Variants in PPP1R12B observed in about 807,000 individuals in gnomAD.
The protein encoded by PPP1R12B is protein phosphatase 1 regulatory subunit 12B.
In PPP1R12B, 76 loss-of-function variants were observed where a neutral mutation model predicts 126.1. That is an observed-to-expected ratio of 0.60 (90% CI 0.50 to 0.73). PPP1R12B has a LOEUF of 0.73. Ranked by LOEUF, PPP1R12B falls within the 30% of genes least tolerant of loss-of-function variation. The pLI is 0.00. For synonymous variants in PPP1R12B, 356 were observed against 434.7 expected, an observed-to-expected ratio of 0.82 and a Z score of 2.25; for missense variants, 1,052 against 1,205.1, an observed-to-expected ratio of 0.87 and a Z score of 1.88.
intron 1 of PPP1R12B, among the ~76,000 whole-genome samples, chr1:202,394,982 G>A (rs566915628): frequency 2.5e-4 from 38 of 151,814 alleles, no homozygotes; most frequent in African/African-American, 9.2e-4. Flanking sequence ...GCTGGATGTG[G>A]TAGTGGGCGC....
chr1:202,389,926 C>CAA (rs35190931), intron 1 of PPP1R12B, among the ~76,000 whole-genome samples: 8 of 95,826 alleles, frequency 8.3e-5, no homozygotes, highest in Non-Finnish European at 1.3e-4. Context: ...GACTCTGTCT[C>CAA]AAAAAAAAAA....
chr1:202,446,191 GTTA>G (rs1672215477), intron 12 of PPP1R12B, among the ~76,000 whole-genome samples: 1 of 135,318 alleles, frequency 7.4e-6, no homozygotes, highest in Non-Finnish European at 1.6e-5. Flanking sequence ...ACATAGAGAG[GTTA>G]TTATTACTAT....
At position 202,348,973 on chromosome 1, in the gene PPP1R12B, C is replaced by T. The variant is rs1365307334; in HGVS notation, c.122C>T (p.Ala41Val). 16 of 1,601,642 alleles carry T rather than the reference C, an allele frequency of 1.0e-5. No individual in the cohort carries two copies. The highest frequency in any genetic ancestry group is 1.4e-5 in the Non-Finnish European group (16 of 1,175,468). ...TEQEPAERRGAGRQPLTRRGS... is the reference protein window; with the variant it reads ...TEQEPAERRGVGRQPLTRRGS... ...CAGGAGCCTGCGGAGCGACGAGGCG[C>T]GGGGCGGCAGCCGCTGACCAGGCGC... The change falls in exon 1 of 24, where the codon GCG becomes GTG. Residue 41 changes from alanine (A) to valine (V), a missense_variant. Physicochemically the swap from Ala to Val is moderately conservative, Grantham distance 64. Transcript: ENST00000608999.
chr1:202,365,184 T>G (rs1658986334), intron 1 of PPP1R12B, among the ~76,000 whole-genome samples: 1 of 152,186 alleles, frequency 6.6e-6, no homozygotes. Flanking sequence ...CTTTAGTGGC[T>G]CATGCTTGTA....
intron 13 of PPP1R12B, among the ~76,000 whole-genome samples, chr1:202,475,439 C>T (rs1330071542): frequency 6.6e-6 from 1 of 152,246 alleles, no homozygotes; most frequent in East Asian, 1.9e-4. Flanking sequence ...AAGTTTAATG[C>T]AGGACATTGT....
chr1:202,495,365 A>G lies in PPP1R12B; in HGVS notation c.2218A>G (p.Arg740Gly), dbSNP rs1160687875. Residue 740 changes from arginine to glycine, a missense_variant, in exon 16 of 24, where the codon AGA (arginine) becomes GGA (glycine). Coordinates refer to ENST00000608999, the MANE Select transcript of PPP1R12B (RefSeq NM_002481.4). Reference protein sequence around the residue: ...PTTPASPSTSRPSLYTSSHLL... With the variant: ...PTTPASPSTSGPSLYTSSHLL... ...CACGCCAGCATCTCCTTCTACGTCA[A>G]GACCCTCACTCTACACCAGTTCCCA... 1 of 1,608,504 alleles carries G rather than the reference A, an allele frequency of 6.2e-7. No homozygotes were observed. Among genetic ancestry groups the G allele is most frequent in the African/African-American group, 1.3e-5 (1 of 74,530 alleles).
rs993797705 is a variant in PPP1R12B at position 202,411,583 on chromosome 1, G to A, written c.292-5204G>A. On this transcript the variant is annotated intron_variant, in intron 1 of 23. Coordinates refer to ENST00000608999, the MANE Select transcript of PPP1R12B (RefSeq NM_002481.4). Reference sequence around the variant, plus strand: ...GAGGGCTGTGATCATTGAGGACTAAGTACTTTTTGTTTTTTTTTTTTCCCC... The same window carrying A: ...GAGGGCTGTGATCATTGAGGACTAAATACTTTTTGTTTTTTTTTTTTCCCC... 2.0e-5 allele frequency among the ~76,000 whole-genome samples: 3 copies of A among 151,654 alleles called. 1 individual carries two copies. The highest frequency in any genetic ancestry group is 2.0e-4 in the Admixed American group (3 of 15,230).
intron 1 of PPP1R12B, among the ~76,000 whole-genome samples, chr1:202,357,047 C>T (rs182911289): frequency 7.4e-4 from 113 of 152,204 alleles, no homozygotes; most frequent in African/African-American, 2.6e-3. Flanking sequence ...GTCTCAAACT[C>T]CTGACTTCAG....
At position 202,578,373 on chromosome 1, in the gene PPP1R12B, A is replaced by G. The variant is rs79292362; in HGVS notation, c.2863-2101A>G. On this transcript the variant is annotated intron_variant, in intron 23 of 23. Transcript: ENST00000608999. The stretch of plus-strand genomic sequence containing the variant: ...TTCGTCTCACTTATACCCAAGCTGC[A>G]GCCCCAGCATGGGGCGTTAAAGAGC... Among the ~76,000 whole-genome samples, 1,230 of 152,310 alleles carry G rather than the reference A, an allele frequency of 8.1e-3. 12 individuals carry two copies. The highest frequency in any genetic ancestry group is 0.011 in the Non-Finnish European group (738 of 68,022).
rs1435124370 is a variant in PPP1R12B, at chr1:202,462,550, A to G, written c.1850+13379A>G. On this transcript the variant is annotated intron_variant, in intron 13 of 23. Transcript: ENST00000608999. Reference sequence around the variant, plus strand: ...CCCAGTTCCCAGCCACTTCAGAGTGAAGACAGTCACCCAACACCTGCTACT... The same window carrying G: ...CCCAGTTCCCAGCCACTTCAGAGTGGAGACAGTCACCCAACACCTGCTACT... Among the ~76,000 whole-genome samples the G allele has an allele frequency of 3.9e-5, 6 of 152,300 alleles. No individual in the cohort carries two copies. The East Asian group carries it at 1.2e-3, about 29-fold the overall frequency.
At chr1:202,514,544 G>T (rs1436708520) in intron 18 of PPP1R12B, among the ~76,000 whole-genome samples, 2 of 152,040 alleles carry the variant, frequency 1.3e-5, no homozygotes, top group African/African-American at 2.4e-5. Flanking sequence ...TGTCTCCAGG[G>T]TTTTTATAGT....
rs1396590526 is a variant in PPP1R12B, at chr1:202,493,229, G to A, written c.2057G>A (p.Gly686Glu). 1.9e-6 allele frequency: 3 copies of A among 1,612,988 alleles called. No homozygotes were observed. The highest frequency in any genetic ancestry group is 1.1e-5 in the South Asian group (1 of 91,028). The change falls in exon 15 of 24, where the codon GGG (glycine) becomes GAG (glutamate). Residue 686 changes from glycine to glutamate, a missense_variant. Gly to Glu is a moderately conservative substitution (Grantham distance 98, BLOSUM62 -2). Coordinates refer to ENST00000608999, the MANE Select transcript of PPP1R12B (RefSeq NM_002481.4). ...EKPTDTEGLE[G>E]SPEKHEPSAV... ...CCCACAGACACTGAAGGGCTTGAGG[G>A]GAGCCCTGAGAAGCATGAGCCCTCA...
At chr1:202,449,798 T>C (rs1672709811) in intron 13 of PPP1R12B, among the ~76,000 whole-genome samples, 3 of 152,108 alleles carry the variant, frequency 2.0e-5, no homozygotes. Context: ...GCCATTCTCC[T>C]TCCTCAGCCT....
chr1:202,522,052 A>C (rs1017704740), intron 18 of PPP1R12B, among the ~76,000 whole-genome samples: 1 of 152,214 alleles, frequency 6.6e-6, no homozygotes, highest in African/African-American at 2.4e-5. Context: ...GTATCTTCAA[A>C]GTGCTGTAGA....
At position 202,583,732 on chromosome 1, in the gene PPP1R12B, C is replaced by G. The variant is rs1183639827; in HGVS notation, c.*3172C>G. The G allele has an allele frequency of 1.3e-5, 2 of 152,166 alleles. No individual in the cohort carries two copies. Among genetic ancestry groups the G allele is most frequent in the East Asian group, 3.9e-4 (2 of 5,178 alleles). The allele number at this position is 152,166 out of a possible 1,614,324, so 9.4% of individuals were successfully genotyped here. A position where few individuals can be genotyped will look rare whatever the true frequency, so the allele number is the denominator to read the frequency against. On this transcript the variant is annotated 3_prime_UTR_variant, in exon 24 of 24. Coordinates refer to ENST00000608999, the MANE Select transcript of PPP1R12B (RefSeq NM_002481.4). ...CTACTGCTGGCCTCTTCAGTGGCCA[C>G]AATCCTCAGTCCTCACCTGCTGGTT...
intron 18 of PPP1R12B, among the ~76,000 whole-genome samples, chr1:202,505,057 C>A (rs1680661825): frequency 6.6e-6 from 1 of 152,158 alleles, no homozygotes; most frequent in Non-Finnish European, 1.5e-5. Flanking sequence ...TTTGGAGAGT[C>A]ACAGAAGTAG....
chr1:202,499,474 C>T (rs755247855), intron 18 of PPP1R12B, among the ~76,000 whole-genome samples: 19 of 152,086 alleles, frequency 1.2e-4, no homozygotes, highest in African/African-American at 4.1e-4. Flanking sequence ...AGGCTGGTCT[C>T]GAACTCCTGG....
intron 1 of PPP1R12B, among the ~76,000 whole-genome samples, chr1:202,371,071 A>G (rs181183551): frequency 2.5e-3 from 350 of 138,484 alleles, no homozygotes; most frequent in Non-Finnish European, 4.0e-3. Context: ...GCTGGAGTGC[A>G]TTGGCTTGAT....
At chr1:202,407,441 G>C (rs1666782241) in intron 1 of PPP1R12B, among the ~76,000 whole-genome samples, 5 of 152,120 alleles carry the variant, frequency 3.3e-5, no homozygotes, top group Admixed American at 3.3e-4. Context: ...CTTTACTTCT[G>C]CTCTCTCGGC....
Sources: gnomAD v4.1 joint callset for allele counts (sites outside exome capture counted in the v4.1 genomes callset) on GRCh38, gnomAD v4.1.1 for gene constraint, MANE v1.5 for transcripts, NCBI Gene and HGNC (gene_info 2026-07-23, HGNC 2026-07-21) for gene names.